The following NAALADL2 variants were observed in gnomAD, a reference collection of about 807,000 sequenced individuals.
NAALADL2 encodes the protein N-acetylated alpha-linked acidic dipeptidase like 2, also known as inactive N-acetylated-alpha-linked acidic dipeptidase-like protein 2.
In NAALADL2, 76 loss-of-function variants were observed where a neutral mutation model predicts 87.2. The ratio of observed to expected loss-of-function variants is 0.87; its 90% CI spans 0.72 to 1.05. The LOEUF (loss-of-function observed/expected upper bound fraction) is 1.05, where lower values mean the gene tolerates loss of function less well. Ranked by LOEUF, NAALADL2 falls within the 50% of genes least tolerant of loss-of-function variation. NAALADL2 has a pLI of 0.00. For synonymous variants in NAALADL2, 354 were observed against 331.0 expected (o/e 1.07, Z -0.75); for missense variants, 1,089 against 945.8 (o/e 1.15, Z -1.99).
intron 1 of NAALADL2, among the ~76,000 whole-genome samples, chr3:174,473,622 G>A (rs878910976): frequency 6.6e-6 from 1 of 152,172 alleles, no homozygotes; most frequent in Non-Finnish European, 1.5e-5. Flanking sequence ...TCATAATCAA[G>A]AGATTGCCTT....
intron 2 of NAALADL2, among the ~76,000 whole-genome samples, chr3:175,213,619 A>C (rs1194556851): frequency 6.6e-6 from 1 of 152,182 alleles, no homozygotes; most frequent in Non-Finnish European, 1.5e-5. Context: ...GTAGGTACAG[A>C]AGGCAGATGA....
At chr3:174,652,158 C>T (rs971209147) in intron 2 of NAALADL2, among the ~76,000 whole-genome samples, 15 of 152,164 alleles carry the variant, frequency 9.9e-5, no homozygotes, top group Admixed American at 4.6e-4. Flanking sequence ...AGCACTCAGT[C>T]AATGGCTGGG....
chr3:174,977,250 TAGAG>T (rs1223799641), intron 1 of NAALADL2, among the ~76,000 whole-genome samples: 8 of 151,850 alleles, frequency 5.3e-5, no homozygotes, highest in African/African-American at 1.7e-4. Context: ...ATTAGAAAAA[TAGAG>T]AGATGCTGGT....
chr3:175,150,265 C>T (rs1731353464), intron 2 of NAALADL2, among the ~76,000 whole-genome samples: 1 of 152,104 alleles, frequency 6.6e-6, no homozygotes, highest in Admixed American at 6.6e-5. Context: ...CATGGCTAGC[C>T]TATTACAAAT....
At chr3:174,941,095 G>A (rs1173819427) in intron 1 of NAALADL2, among the ~76,000 whole-genome samples, 1 of 151,890 alleles carries the variant, frequency 6.6e-6, no homozygotes, top group Non-Finnish European at 1.5e-5. Flanking sequence ...TTTGATGTTA[G>A]GTTGTTAATT....
intron 3 of NAALADL2, among the ~76,000 whole-genome samples, chr3:174,829,399 A>G (rs1722376002): frequency 6.7e-6 from 1 of 149,250 alleles, no homozygotes. Context: ...GTTTACTGAG[A>G]ATGATGGTTT....
At chr3:175,309,428 C>T (rs541587198) in intron 4 of NAALADL2, among the ~76,000 whole-genome samples, 5 of 152,118 alleles carry the variant, frequency 3.3e-5, no homozygotes, top group South Asian at 4.1e-4. Flanking sequence ...TCAGGTGATC[C>T]GCCTGCCTTG....
At chr3:174,674,928 T>C (rs1209478348) in intron 2 of NAALADL2, among the ~76,000 whole-genome samples, 1 of 152,146 alleles carries the variant, frequency 6.6e-6, no homozygotes, top group South Asian at 2.1e-4. Context: ...TTCTGTTTTC[T>C]GTCAGTCAGT....
intron 6 of NAALADL2, among the ~76,000 whole-genome samples, chr3:175,456,504 GC>G (rs1413332809): frequency 6.6e-6 from 1 of 151,872 alleles, no homozygotes; most frequent in Non-Finnish European, 1.5e-5. Context: ...ATAATTAACT[GC>G]CCCTAAATGT....
At chr3:175,693,702 G>A (rs1457844932) in intron 11 of NAALADL2, among the ~76,000 whole-genome samples, 2 of 152,008 alleles carry the variant, frequency 1.3e-5, no homozygotes, top group African/African-American at 2.4e-5. Flanking sequence ...TTGTTGGGTT[G>A]GTTGGTTTGT....
At chr3:175,699,863 A>C (rs183470380) in intron 11 of NAALADL2, among the ~76,000 whole-genome samples, 1 of 152,240 alleles carries the variant, frequency 6.6e-6, no homozygotes, top group Non-Finnish European at 1.5e-5. Context: ...ACTAAGTTTC[A>C]AGACATTTTA....
At chr3:174,683,351 A>G (rs1042151879) in intron 2 of NAALADL2, among the ~76,000 whole-genome samples, 5 of 152,200 alleles carry the variant, frequency 3.3e-5, no homozygotes, top group Non-Finnish European at 7.3e-5. Context: ...CCCAATGTCC[A>G]TTTAAGTAAA....
intron 11 of NAALADL2, among the ~76,000 whole-genome samples, chr3:175,697,725 A>T (rs2149944713): frequency 6.7e-6 from 1 of 149,226 alleles, no homozygotes; most frequent in African/African-American, 2.5e-5. Flanking sequence ...TTAAAAAAGC[A>T]AATTTATATA....
At chr3:174,657,454 G>T (rs1043833562) in intron 2 of NAALADL2, among the ~76,000 whole-genome samples, 2 of 151,926 alleles carry the variant, frequency 1.3e-5, no homozygotes, top group African/African-American at 4.8e-5. Flanking sequence ...ACCCTGCCCG[G>T]CCACAAAAAA....
intron 11 of NAALADL2, among the ~76,000 whole-genome samples, chr3:175,645,514 T>C (rs1224049568): frequency 6.6e-6 from 1 of 151,822 alleles, no homozygotes; most frequent in Non-Finnish European, 1.5e-5. Context: ...GTCTGGAAAA[T>C]TTTTCCTGGG....
In NAALADL2 at chr3:175,047,641, T is replaced by C. The variant is rs1229561081; in HGVS notation, c.44-49149T>C. Among the ~76,000 whole-genome samples, 6 of 152,334 alleles carry C rather than the reference T, an allele frequency of 3.9e-5. No homozygotes were observed. The South Asian group carries it at 1.2e-3, about 32-fold the overall frequency. The stretch of plus-strand genomic sequence containing the variant: ...ACCCAAACTCACTCTAAAGTTTTAG[T>C]GTCTCAGACGGTTTTAGATGAAATT... On this transcript the variant is annotated intron_variant, in intron 1 of 13. Transcript: ENST00000454872.
At chr3:174,754,257 T>C (rs868477083) in intron 3 of NAALADL2, among the ~76,000 whole-genome samples, 20 of 136,522 alleles carry the variant, frequency 1.5e-4, no homozygotes, top group African/African-American at 6.1e-4. Context: ...TATGCATATA[T>C]GTTTTAAAAA....
At chr3:174,857,226 G>A (rs1364940854), upstream of NAALADL2, among the ~76,000 whole-genome samples, 1 of 152,158 alleles carries the variant, frequency 6.6e-6, no homozygotes, top group Non-Finnish European at 1.5e-5. Context: ...CGTCCTGGAA[G>A]AAATTTTCCA....
In NAALADL2 at chr3:175,097,184, A is replaced by G. The variant is rs1721307407; in HGVS notation, c.438A>G (p.Val146=). 1 of 1,613,708 alleles carries G rather than the reference A, an allele frequency of 6.2e-7. No individual in the cohort carries two copies. Among genetic ancestry groups the G allele is most frequent in the Non-Finnish European group, 8.5e-7 (1 of 1,179,650 alleles). ...FIFGILIGYY[V]HTNCPSDAPS... ...TTGGGATTTTGATAGGTTATTATGT[A>G]CATACAAATTGCCCTTCAGATGCTC... The change falls in exon 2 of 14, where the codon GTA becomes GTG. Residue 146 remains valine (V), a synonymous_variant. Coordinates refer to ENST00000454872, the MANE Select transcript of NAALADL2 (RefSeq NM_207015.3).
Sources: gnomAD v4.1 joint callset for allele counts (sites outside exome capture counted in the v4.1 genomes callset) on GRCh38, gnomAD v4.1.1 for gene constraint, MANE v1.5 for transcripts, NCBI Gene and HGNC (gene_info 2026-07-23, HGNC 2026-07-21) for gene names.